The following LMNTD1 variants were observed in gnomAD, a reference collection of about 807,000 sequenced individuals.
LMNTD1 encodes the protein lamin tail domain-containing protein 1.
LMNTD1 carries 35 observed loss-of-function variants against 50.9 expected under a neutral mutation model. That is an observed-to-expected ratio of 0.69 (90% CI 0.53 to 0.91). The LOEUF (loss-of-function observed/expected upper bound fraction) is 0.91, where lower values mean the gene tolerates loss of function less well. Among genes scored for constraint, LMNTD1 ranks in the 40% least tolerant of loss-of-function variants. LMNTD1 has a pLI of 0.00. For synonymous variants in LMNTD1, 153 were observed against 161.9 expected, an observed-to-expected ratio of 0.94 and a Z score of 0.42; for missense variants, 470 against 475.5, an observed-to-expected ratio of 0.99 and a Z score of 0.11.
intron 1 of LMNTD1, among the ~76,000 whole-genome samples, chr12:25,633,295 T>G (rs1417774390): frequency 6.6e-6 from 1 of 151,660 alleles, no homozygotes; most frequent in Non-Finnish European, 1.5e-5. Flanking sequence ...AAAGAAACAA[T>G]GGATTTAAAC....
In LMNTD1 at chr12:25,549,453, A is replaced by G. The variant is rs1749766217; in HGVS notation, c.183T>C (p.Asn61=). The part of the protein sequence containing the change: ...VATTLPLSSS[N]SSGMPLGYYL... Reference sequence around the variant, plus strand: ...AGTAACCAAGAGGCATTCCACTGGAATTTGAAGATGACAATGGCAGTGTTG... The same window carrying G: ...AGTAACCAAGAGGCATTCCACTGGAGTTTGAAGATGACAATGGCAGTGTTG... The change falls in exon 3 of 10, where the codon AAT becomes AAC. Residue 61 remains asparagine, a synonymous_variant. Coordinates refer to ENST00000458174, the MANE Select transcript of LMNTD1 (RefSeq NM_001145728.2). 6.2e-7 allele frequency: 1 copy of G among 1,613,332 alleles called. No homozygotes were observed.
chr12:25,541,836 A>G (rs1368202494), intron 4 of LMNTD1, among the ~76,000 whole-genome samples: 2 of 142,254 alleles, frequency 1.4e-5, no homozygotes, highest in Admixed American at 1.4e-4. Flanking sequence ...ACAAAGGGCT[A>G]ATATCCAGAA....
intron 1 of LMNTD1, among the ~76,000 whole-genome samples, chr12:25,619,252 C>CTCTCTCTCTCTCTCTCTATA (rs1374134268): frequency 1.2e-5 from 1 of 84,442 alleles, no homozygotes; most frequent in East Asian, 4.2e-4. Context: ...CTCTCTCTCT[C>CTCTCTCTCTCTCTCTCTATA]TATATATATA....
intron 1 of LMNTD1, among the ~76,000 whole-genome samples, chr12:25,612,322 A>ACGCG (rs1426116660): frequency 1.6e-5 from 2 of 125,288 alleles, no homozygotes; most frequent in East Asian, 3.2e-4. Context: ...ACACACACAC[A>ACGCG]CACACACGCG....
At chr12:25,516,876 T>C (rs1057356803) in intron 8 of LMNTD1, among the ~76,000 whole-genome samples, 4 of 151,184 alleles carry the variant, frequency 2.6e-5, no homozygotes, top group South Asian at 2.1e-4. Flanking sequence ...AAACAAACAA[T>C]GCCATCAAAA....
intron 1 of LMNTD1, among the ~76,000 whole-genome samples, chr12:25,624,390 C>T (rs11048130): frequency 6.6e-6 from 1 of 152,214 alleles, no homozygotes; most frequent in African/African-American, 2.4e-5. Flanking sequence ...GGAAAAGGTA[C>T]CCATTCCATA....
At position 25,606,774 on chromosome 12, in the gene LMNTD1, G is replaced by A. The variant is rs917113334; in HGVS notation, c.58+41720C>T. 3.9e-5 allele frequency among the ~76,000 whole-genome samples: 6 copies of A among 152,164 alleles called. No individual in the cohort carries two copies. In the South Asian group the frequency reaches 1.2e-3, roughly 32 times the overall value. On this transcript the variant is annotated intron_variant, in intron 1 of 7. Coordinates refer to the LMNTD1 transcript ENST00000445693. ...GATTTTTGCATCAATGTTCATCAAGGGTATTGGTCTAAAATTCTCTTTTTT... is the reference window on the plus strand; with the variant it reads ...GATTTTTGCATCAATGTTCATCAAGAGTATTGGTCTAAAATTCTCTTTTTT...
chr12:25,604,019 A>G (rs930665908), intron 1 of LMNTD1, among the ~76,000 whole-genome samples: 1 of 152,120 alleles, frequency 6.6e-6, no homozygotes, highest in Admixed American at 6.6e-5. Flanking sequence ...AAACAAGCAA[A>G]CAAACAAAAA....
intron 3 of LMNTD1, among the ~76,000 whole-genome samples, chr12:25,546,886 A>T (rs1333033874): frequency 6.6e-6 from 1 of 151,652 alleles, no homozygotes; most frequent in East Asian, 1.9e-4. Flanking sequence ...AAAACATTTT[A>T]GTCTGTCAAA....
At chr12:25,568,856 G>A (rs1944665363) in intron 1 of LMNTD1, among the ~76,000 whole-genome samples, 1 of 152,224 alleles carries the variant, frequency 6.6e-6, no homozygotes, top group African/African-American at 2.4e-5. Flanking sequence ...TTCAGAGGAT[G>A]TATCAGAAAG....
chr12:25,536,217 A>C (rs1942571119), intron 4 of LMNTD1, among the ~76,000 whole-genome samples: 1 of 152,218 alleles, frequency 6.6e-6, no homozygotes, highest in Non-Finnish European at 1.5e-5. Context: ...CAACACTATC[A>C]ACCAACATGA....
At chr12:25,520,176 A>ATATATATATATATATATAT (rs1285858255) in intron 6 of LMNTD1, 101 bp from the exon 7 acceptor site, 1 of 218,178 alleles carries the variant, frequency 4.6e-6, no homozygotes, top group Non-Finnish European at 8.6e-6. Flanking sequence ...ATATATATAT[A>ATATATATATATATATATAT]GTAAAATGGT....
intron 1 of LMNTD1, among the ~76,000 whole-genome samples, chr12:25,595,557 A>T (rs1190435634): frequency 6.6e-6 from 1 of 152,170 alleles, no homozygotes; most frequent in East Asian, 1.9e-4. Context: ...AACCTATCAA[A>T]ATCTCTGGGA....
intron 8 of LMNTD1, among the ~76,000 whole-genome samples, chr12:25,518,107 A>G (rs1466440210): frequency 1.3e-5 from 2 of 152,168 alleles, no homozygotes; most frequent in Non-Finnish European, 2.9e-5. Flanking sequence ...AATCATTACA[A>G]CTTCACCAGG....
chr12:25,512,124 G>A (rs1183369942), intron 8 of LMNTD1, among the ~76,000 whole-genome samples: 1 of 152,164 alleles, frequency 6.6e-6, no homozygotes, highest in Non-Finnish European at 1.5e-5. Context: ...AAAAGAGTAG[G>A]AAATATCAGA....
At chr12:25,479,070 A>G (rs1938362166) in intron 9 of LMNTD1, among the ~76,000 whole-genome samples, 2 of 152,130 alleles carry the variant, frequency 1.3e-5, no homozygotes, top group Non-Finnish European at 2.9e-5. Context: ...GTGGAGTAGT[A>G]AACTGATTTC....
upstream of LMNTD1, among the ~76,000 whole-genome samples, chr12:25,555,100 C>G (rs966551808): frequency 6.6e-6 from 1 of 151,490 alleles, no homozygotes; most frequent in African/African-American, 2.4e-5. Context: ...TTATATGAAC[C>G]TAAAGCCTAG....
rs368522761 is a variant in LMNTD1 at position 25,490,076 on chromosome 12, C to T, written c.*23-13616G>A. Among the ~76,000 whole-genome samples the T allele has an allele frequency of 2.0e-4, 30 of 152,294 alleles. 1 individual carries two copies. The highest frequency in any genetic ancestry group is 5.1e-4 in the African/African-American group (21 of 41,564). The stretch of plus-strand genomic sequence containing the variant: ...CTGCTTCTCCACCCCACAATTTGTT[C>T]GGTATCTGAAGGCTTTGGATAAGCC... On this transcript the variant is annotated intron_variant, in intron 9 of 9. Coordinates refer to ENST00000458174, the MANE Select transcript of LMNTD1 (RefSeq NM_001145728.2).
intron 9 of LMNTD1, among the ~76,000 whole-genome samples, chr12:25,501,032 C>A (rs746495400): frequency 6.6e-6 from 1 of 152,158 alleles, no homozygotes; most frequent in Admixed American, 6.5e-5. Context: ...CTCTGTTGCC[C>A]GGGCTGGAGT....
Sources: gnomAD v4.1 joint callset for allele counts (sites outside exome capture counted in the v4.1 genomes callset) on GRCh38, gnomAD v4.1.1 for gene constraint, MANE v1.5 for transcripts, NCBI Gene and HGNC (gene_info 2026-07-23, HGNC 2026-07-21) for gene names.